Variants in MUC15 observed in about 807,000 individuals in gnomAD.
The protein encoded by MUC15 is mucin 15, cell surface associated, also known as mucin-15.
MUC15 carries 23 observed loss-of-function variants against 24.0 expected under a neutral mutation model. The observed-to-expected ratio is 0.96, with a 90% CI of 0.69 to 1.36. The LOEUF (loss-of-function observed/expected upper bound fraction) is 1.36. Among genes scored for constraint, MUC15 ranks in the 40% most tolerant of loss-of-function variants. The probability of loss-of-function intolerance (pLI) is 0.00; values close to 1 mark genes in which losing one functional copy is unlikely to be tolerated. For missense variants in MUC15, 442 were observed against 428.2 expected, an observed-to-expected ratio of 1.03 and a Z score of -0.29; for synonymous variants, 151 against 156.3, an observed-to-expected ratio of 0.97 and a Z score of 0.25.
chr11:26,567,198 G>A, intron 1 of MUC15, 59 bp from the exon 2 acceptor site: 1 of 1,120,722 alleles, frequency 8.9e-7, no homozygotes, highest in Non-Finnish European at 1.2e-6. Context: ...TCTCATTAGA[G>A]GCTAAAATTT....
At chr11:26,570,988 A>G (rs1211887656) in intron 1 of MUC15, among the ~76,000 whole-genome samples, 1 of 152,130 alleles carries the variant, frequency 6.6e-6, no homozygotes, top group Non-Finnish European at 1.5e-5. Flanking sequence ...AGAAAAAATA[A>G]AAAAGAAAAG....
intron 1 of MUC15, among the ~76,000 whole-genome samples, chr11:26,569,836 A>AG (rs1250309288): frequency 6.6e-6 from 1 of 152,102 alleles, no homozygotes; most frequent in Non-Finnish European, 1.5e-5. Context: ...TCTGTCAGCC[A>AG]GGTGCACTGT....
rs1318602707 is a variant in MUC15, at chr11:26,559,164, G to A, written c.*1901C>T. ...TTAAAAAACACTTTGTTTCATAAGT[G>A]TTCAGTGATTTATGAAACTTTTAAA... On this transcript the variant is annotated 3_prime_UTR_variant, in exon 5 of 5. Coordinates refer to ENST00000529533, the MANE Select transcript of MUC15 (RefSeq NM_001135091.2). 6.6e-6 allele frequency: 1 copy of A among 152,292 alleles called. No homozygotes were observed. Among genetic ancestry groups the A allele is most frequent in the Non-Finnish European group, 1.5e-5 (1 of 68,116 alleles). 9.4% of individuals were successfully genotyped at this position (152,292 alleles called of 1,614,324 possible).
At position 26,565,169 on chromosome 11, in the gene MUC15, T is replaced by C. The variant is rs375369150; in HGVS notation, c.771A>G (p.Gln257=). 1.0e-5 allele frequency: 15 copies of C among 1,499,786 alleles called. No homozygotes were observed. The African/African-American group carries it at 2.0e-4, about 20-fold the overall frequency. The allele number at this position is 1,499,786 out of a possible 1,614,324, so 92.9% of individuals were successfully genotyped here. The change falls in exon 3 of 5, where the codon CAA becomes CAG. Residue 257 remains glutamine, a synonymous_variant. Coordinates refer to ENST00000529533, the MANE Select transcript of MUC15 (RefSeq NM_001135091.2). ...GTTAAAATCATTTATATTTACCTTTTTGGGGATCTGACGTATTTGGAAAGA... is the reference window on the plus strand; with the variant it reads ...GTTAAAATCATTTATATTTACCTTTCTGGGGATCTGACGTATTTGGAAAGA... ...SKLFPNTSDP[Q]KENRNTGIVF...
At chr11:26,562,005 G>GAGGTGTCTCA (rs1360798427) in intron 4 of MUC15, among the ~76,000 whole-genome samples, 7 of 151,840 alleles carry the variant, frequency 4.6e-5, no homozygotes, top group Non-Finnish European at 5.9e-5. Flanking sequence ...GTCTTTGGGA[G>GAGGTGTCTCA]AGGTGTCTCA....
At position 26,566,785 on chromosome 11, in the gene MUC15, T is replaced by A. The variant is rs1850604362; in HGVS notation, c.43+267A>T. ...ATAGGAAAATGTTTTGAAATCAGATTTATATTAAAATTCTGGCTTCTGACA... is the reference window on the plus strand; with the variant it reads ...ATAGGAAAATGTTTTGAAATCAGATATATATTAAAATTCTGGCTTCTGACA... On this transcript the variant is annotated intron_variant, in intron 2 of 4. Transcript: ENST00000529533. 2.9e-5 allele frequency among the ~76,000 whole-genome samples: 4 copies of A among 137,280 alleles called. No homozygotes were observed. The Admixed American group carries it at 3.2e-4, about 11-fold the overall frequency. The allele number at this position is 137,280 out of a possible 152,430, so 90.1% of individuals were successfully genotyped here.
Position 26,561,045 on chromosome 11 carries a change from A to C in MUC15, c.*20T>G. On this transcript the variant is annotated 3_prime_UTR_variant, in exon 5 of 5. Coordinates refer to ENST00000529533, the MANE Select transcript of MUC15 (RefSeq NM_001135091.2). ...GGATGTAGATGACACTTGCTGTTTAACGCCTTTTTGCTGTTAGTTCTATAC... is the reference window on the plus strand; with the variant it reads ...GGATGTAGATGACACTTGCTGTTTACCGCCTTTTTGCTGTTAGTTCTATAC... The C allele has an allele frequency of 6.3e-7, 1 of 1,598,158 alleles. No homozygotes were observed. Among genetic ancestry groups the C allele is most frequent in the Non-Finnish European group, 8.5e-7 (1 of 1,172,874 alleles).
chr11:26,559,870 ACAC>A lies in MUC15; in HGVS notation c.*1192_*1194del. On this transcript the variant is annotated 3_prime_UTR_variant, in exon 5 of 5. Coordinates refer to ENST00000529533, the MANE Select transcript of MUC15 (RefSeq NM_001135091.2). ...CACACACACACACACACACACACAC[ACAC>A]ACCATGAATCAATTCAAAAATAAAG... The A allele has an allele frequency of 1.2e-6, 1 of 807,478 alleles. No individual in the cohort carries two copies. Among genetic ancestry groups the A allele is most frequent in the Non-Finnish European group, 2.0e-6 (1 of 489,404 alleles). 50.0% of individuals were successfully genotyped at this position (807,478 alleles called of 1,614,324 possible).
chr11:26,559,619 TC>T lies in MUC15; in HGVS notation c.*1445del. On this transcript the variant is annotated 3_prime_UTR_variant, in exon 5 of 5. Transcript: ENST00000529533. The stretch of plus-strand genomic sequence containing the variant: ...TTTCTGTACTATAAAATAATATGAT[TC>T]TATTTGAGAAAAAATCATAGTACCT... The T allele has an allele frequency of 1.2e-6, 1 of 810,560 alleles. No individual in the cohort carries two copies. The highest frequency in any genetic ancestry group is 2.1e-6 in the Non-Finnish European group (1 of 466,796). 50.2% of individuals were successfully genotyped at this position (810,560 alleles called of 1,614,324 possible). A position where few individuals can be genotyped will look rare whatever the true frequency, so the allele number is the denominator to read the frequency against.
At position 26,559,947 on chromosome 11, in the gene MUC15, T is replaced by G. The variant is rs1850220988; in HGVS notation, c.*1118A>C. ...TTTGCTCTCTTCATATATTCAGTGC[T>G]TCTTTAGGAATTTAACTCTTGATCT... On this transcript the variant is annotated 3_prime_UTR_variant, in exon 5 of 5. Transcript: ENST00000529533. 2.0e-6 allele frequency: 1 copy of G among 508,342 alleles called. No individual in the cohort carries two copies. Among genetic ancestry groups the G allele is most frequent in the African/African-American group, 1.9e-5 (1 of 52,364 alleles). The allele number at this position is 508,342 out of a possible 1,614,324, so 31.5% of individuals were successfully genotyped here.
At chr11:26,564,439 A>AG (rs1850434833) in intron 3 of MUC15, among the ~76,000 whole-genome samples, 1 of 150,402 alleles carries the variant, frequency 6.6e-6, no homozygotes, top group South Asian at 2.1e-4. Context: ...TATTAAAAAA[A>AG]TTTCAAGGGG....
At position 26,563,211 on chromosome 11, in the gene MUC15, AC is replaced by A. The variant is rs758577672; in HGVS notation, c.829del (p.Val277SerfsTer36). On this transcript the variant is annotated frameshift_variant, in exon 4 of 5. Transcript: ENST00000529533. LOFTEE classifies it high-confidence loss of function. ...FGAILGAILG[V>X]SLLTLVGYLL... ...GTAGCCCACAAGAGTAAGCAATGAG[AC>A]ACCCAGAATAGCACCTAAAATGGCC... is the stretch of plus-strand genomic sequence containing the variant. 1.9e-6 allele frequency: 3 copies of A among 1,612,292 alleles called. No individual in the cohort carries two copies. The highest frequency in any genetic ancestry group is 3.3e-5 in the Admixed American group (2 of 59,876).
At chr11:26,571,260 A>G (rs1850814127) in intron 1 of MUC15, among the ~76,000 whole-genome samples, 2 of 152,130 alleles carry the variant, frequency 1.3e-5, no homozygotes, top group South Asian at 4.1e-4. Flanking sequence ...ATCATACTGT[A>G]ATGTCTATAG....
At chr11:26,562,954 G>C (rs917192436) in intron 4 of MUC15, 162 bp downstream of exon 4, 13 of 1,018,644 alleles carry the variant, frequency 1.3e-5, no homozygotes, top group Middle Eastern at 3.1e-4. Flanking sequence ...AATTATTTTG[G>C]TTTTGTTCTT....
At chr11:26,561,590 G>A (rs990788345) in intron 4 of MUC15, among the ~76,000 whole-genome samples, 7 of 151,842 alleles carry the variant, frequency 4.6e-5, no homozygotes, top group African/African-American at 1.7e-4. Flanking sequence ...GTCACTTCTG[G>A]TGTAAAATTT....
chr11:26,562,162 T>C (rs777901137), intron 4 of MUC15, among the ~76,000 whole-genome samples: 1 of 151,924 alleles, frequency 6.6e-6, no homozygotes. Context: ...GGTTAAAAAA[T>C]GGTTGAAAAC....
rs917625132 is a variant in MUC15, at chr11:26,559,541, G to A, written c.*1524C>T. On this transcript the variant is annotated 3_prime_UTR_variant, in exon 5 of 5. Coordinates refer to ENST00000529533, the MANE Select transcript of MUC15 (RefSeq NM_001135091.2). ...GTTGTTTCTTCACCTCTCCCCATGA[G>A]AAAAATCATGTGAAATTGTTGCAAG... 3.5e-6 allele frequency: 2 copies of A among 572,260 alleles called. No homozygotes were observed. Among genetic ancestry groups the A allele is most frequent in the African/African-American group, 3.8e-5 (2 of 53,318 alleles). 35.4% of individuals were successfully genotyped at this position (572,260 alleles called of 1,614,324 possible). A position where few individuals can be genotyped will look rare whatever the true frequency, so the allele number is the denominator to read the frequency against.
chr11:26,568,782 G>C, intron 1 of MUC15, among the ~76,000 whole-genome samples: 1 of 151,926 alleles, frequency 6.6e-6, no homozygotes, highest in East Asian at 1.9e-4. Flanking sequence ...ATATAATTCA[G>C]TTTAGTTTAA....
At chr11:26,566,616 C>G (rs1850595135) in intron 2 of MUC15, among the ~76,000 whole-genome samples, 1 of 151,788 alleles carries the variant, frequency 6.6e-6, no homozygotes, top group African/African-American at 2.4e-5. Flanking sequence ...TAATCTTACT[C>G]TCTTATTTTA....
Sources: allele counts gnomAD v4.1 joint callset (sites outside exome capture counted in the v4.1 genomes callset), GRCh38; gene constraint gnomAD v4.1.1; transcripts MANE v1.5; gene names NCBI Gene and HGNC (gene_info 2026-07-23, HGNC 2026-07-21).